Variants in PTPRD observed in about 807,000 individuals in gnomAD.
PTPRD encodes the protein receptor-type tyrosine-protein phosphatase delta.
A neutral mutation model predicts 214.5 loss-of-function variants in PTPRD; 34 were observed. That is an observed-to-expected ratio of 0.16 (90% CI 0.12 to 0.21). PTPRD has a LOEUF of 0.21. Among genes scored for constraint, PTPRD ranks in the 10% least tolerant of loss-of-function variants. The pLI is 1.00. For missense variants in PTPRD, 2,545 were observed against 2,398.7 expected (o/e 1.06, Z -1.27); for synonymous variants, 1,128 against 845.7 (o/e 1.33, Z -5.79).
intron 10 of PTPRD, among the ~76,000 whole-genome samples, chr9:9,025,088 T>G (rs2154372438): frequency 6.6e-6 from 1 of 152,202 alleles, no homozygotes; most frequent in Admixed American, 6.6e-5. Flanking sequence ...CATAGATATA[T>G]TTTTATTCAC....
At chr9:9,452,865 A>G (rs1216516955) in intron 8 of PTPRD, among the ~76,000 whole-genome samples, 1 of 151,528 alleles carries the variant, frequency 6.6e-6, no homozygotes, top group Non-Finnish European at 1.5e-5. Flanking sequence ...CCAAAATTTT[A>G]TTTGCTCAAG....
At chr9:9,964,980 G>T (rs991480824) in intron 4 of PTPRD, among the ~76,000 whole-genome samples, 13 of 151,914 alleles carry the variant, frequency 8.6e-5, no homozygotes, top group African/African-American at 2.7e-4. Context: ...GCAAAAATAG[G>T]ATGCTAACAA....
At chr9:9,230,389 T>C (rs1037455607) in intron 9 of PTPRD, among the ~76,000 whole-genome samples, 2 of 152,134 alleles carry the variant, frequency 1.3e-5, no homozygotes, top group African/African-American at 4.8e-5. Flanking sequence ...CATTCATCTC[T>C]TCCATCTGGC....
intron 7 of PTPRD, among the ~76,000 whole-genome samples, chr9:9,593,222 C>G (rs1275807203): frequency 2.7e-5 from 4 of 150,818 alleles, no homozygotes; most frequent in Non-Finnish European, 4.4e-5. Flanking sequence ...TGTTTTTCCC[C>G]CCCCTCAAAG....
chr9:9,820,402 G>A (rs921244518), intron 5 of PTPRD, among the ~76,000 whole-genome samples: 2 of 151,878 alleles, frequency 1.3e-5, no homozygotes, highest in Non-Finnish European at 2.9e-5. Context: ...TTGGATGCAT[G>A]GGTTGTAAAC....
intron 11 of PTPRD, among the ~76,000 whole-genome samples, chr9:8,787,969 G>A (rs909409237): frequency 6.6e-6 from 1 of 152,030 alleles, no homozygotes; most frequent in Non-Finnish European, 1.5e-5. Context: ...TTTAAAAGGT[G>A]CTTTTTGCTA....
At chr9:9,804,389 T>TA (rs763650874) in intron 5 of PTPRD, among the ~76,000 whole-genome samples, 6 of 152,058 alleles carry the variant, frequency 3.9e-5, no homozygotes, top group Non-Finnish European at 7.4e-5. Flanking sequence ...AGGAAACTAA[T>TA]AAAAAAAGTT....
chr9:10,390,118 G>GTAC (rs2098026427), intron 2 of PTPRD, among the ~76,000 whole-genome samples: 1 of 151,726 alleles, frequency 6.6e-6, no homozygotes, highest in South Asian at 2.1e-4. Flanking sequence ...GTACTGTAAG[G>GTAC]ACACATATAC....
chr9:10,138,481 T>A (rs572443769), intron 3 of PTPRD, among the ~76,000 whole-genome samples: 2 of 152,170 alleles, frequency 1.3e-5, no homozygotes, highest in East Asian at 1.9e-4. Flanking sequence ...AGCCAAATTC[T>A]AACAGATGTA....
intron 8 of PTPRD, among the ~76,000 whole-genome samples, chr9:9,454,460 T>C (rs1418274653): frequency 6.6e-6 from 1 of 151,746 alleles, no homozygotes; most frequent in Non-Finnish European, 1.5e-5. Flanking sequence ...TATAAAACAA[T>C]TATGGTTTGA....
chr9:8,961,518 G>A (rs551046443), intron 11 of PTPRD, among the ~76,000 whole-genome samples: 1 of 152,186 alleles, frequency 6.6e-6, no homozygotes, highest in South Asian at 2.1e-4. Context: ...GTAGTCAACA[G>A]TGAGCATGCC....
At chr9:8,768,914 T>C (rs1004107114) in intron 11 of PTPRD, among the ~76,000 whole-genome samples, 5 of 152,130 alleles carry the variant, frequency 3.3e-5, no homozygotes. Flanking sequence ...TTACTAAGGG[T>C]AGTCTAATGC....
intron 12 of PTPRD, among the ~76,000 whole-genome samples, chr9:8,688,306 CCTGTAA>C (rs2097727298): frequency 6.6e-6 from 1 of 152,174 alleles, no homozygotes; most frequent in Non-Finnish European, 1.5e-5. Flanking sequence ...GTGGCTGACG[CCTGTAA>C]TCCCAGCGCT....
chr9:9,019,329 A>AAAGG (rs1420151812), intron 10 of PTPRD, among the ~76,000 whole-genome samples: 66 of 32,788 alleles, frequency 2.0e-3, no homozygotes, highest in South Asian at 7.2e-3. Context: ...AGAAAGAAAG[A>AAAGG]AAGAAAGAAC....
intron 2 of PTPRD, among the ~76,000 whole-genome samples, chr9:10,500,929 C>T (rs993258276): frequency 2.0e-5 from 3 of 151,734 alleles, no homozygotes; most frequent in African/African-American, 4.8e-5. Context: ...TTTCTTTATC[C>T]GTTCATCTGC....
At chr9:8,347,888 C>T (rs757024109) in intron 39 of PTPRD, among the ~76,000 whole-genome samples, 2 of 152,182 alleles carry the variant, frequency 1.3e-5, no homozygotes, top group Non-Finnish European at 2.9e-5. Context: ...TCTTGGACTT[C>T]CAGCATCCTG....
intron 6 of PTPRD, among the ~76,000 whole-genome samples, chr9:9,741,679 C>G (rs2098404791): frequency 6.6e-6 from 1 of 152,144 alleles, no homozygotes; most frequent in African/African-American, 2.4e-5. Flanking sequence ...TTGTTCAGTT[C>G]CCACCTATGA....
intron 2 of PTPRD, among the ~76,000 whole-genome samples, 189 bp downstream of exon 2, chr9:10,612,208 CA>C (rs35311745): frequency 0.42 from 52,848 of 126,358 alleles, 10,273 homozygotes; most frequent in Middle Eastern, 0.61. Context: ...AGGGCTCTTC[CA>C]AAAAAAAAAA....
chr9:8,549,166 A>C, intron 14 of PTPRD, among the ~76,000 whole-genome samples: 1 of 152,184 alleles, frequency 6.6e-6, no homozygotes, highest in East Asian at 1.9e-4. Flanking sequence ...ATAGAATTAT[A>C]ATTATGATCG....
Sources: gnomAD v4.1 joint callset for allele counts (sites outside exome capture counted in the v4.1 genomes callset) on GRCh38, gnomAD v4.1.1 for gene constraint, MANE v1.5 for transcripts, NCBI Gene and HGNC (gene_info 2026-07-23, HGNC 2026-07-21) for gene names.